TFEC: variants seen among roughly 807,000 people sequenced by gnomAD.
TFEC encodes the protein transcription factor EC, also known as class E basic helix-loop-helix protein 34.
TFEC carries 31 observed loss-of-function variants against 41.6 expected under a neutral mutation model. The ratio of observed to expected loss-of-function variants is 0.74; its 90% CI spans 0.56 to 1.01. The LOEUF (loss-of-function observed/expected upper bound fraction) is 1.01, where lower values mean the gene tolerates loss of function less well. Ranked by LOEUF, TFEC falls within the 50% of genes least tolerant of loss-of-function variation. The pLI is 0.00. For synonymous variants in TFEC, 143 were observed against 140.6 expected (o/e 1.02, Z -0.12); for missense variants, 402 against 404.1 (o/e 0.99, Z 0.04).
chr7:115,945,614 T>A (rs1434275192), intron 6 of TFEC, among the ~76,000 whole-genome samples: 3 of 151,822 alleles, frequency 2.0e-5, no homozygotes, highest in African/African-American at 7.2e-5. Context: ...ATAGACATAT[T>A]CAACATCTAA....
At chr7:116,080,488 A>C (rs745689868) in intron 3 of TFEC, among the ~76,000 whole-genome samples, 21 of 152,012 alleles carry the variant, frequency 1.4e-4, no homozygotes, top group Non-Finnish European at 2.2e-4. Context: ...AAAAAACAAA[A>C]AACAACAACA....
intron 3 of TFEC, chr7:116,110,648 T>G (rs1797832801): frequency 8.9e-7 from 1 of 1,128,044 alleles, no homozygotes; most frequent in African/African-American, 1.6e-5. Flanking sequence ...AGACAGATTT[T>G]CAGAGGTAGT....
chr7:116,071,822 T>C (rs1315129425), intron 3 of TFEC, among the ~76,000 whole-genome samples: 1 of 151,440 alleles, frequency 6.6e-6, no homozygotes, highest in Non-Finnish European at 1.5e-5. Context: ...TTCTCATGTT[T>C]AAATATCATA....
intron 3 of TFEC, among the ~76,000 whole-genome samples, chr7:115,969,412 G>A (rs1395610469): frequency 6.6e-6 from 1 of 151,876 alleles, no homozygotes; most frequent in Non-Finnish European, 1.5e-5. Context: ...AATTGTGAAA[G>A]GCCCCTTTGA....
chr7:116,148,097 CTTAG>C (rs1798681107), intron 1 of TFEC, among the ~76,000 whole-genome samples: 1 of 152,124 alleles, frequency 6.6e-6, no homozygotes, highest in East Asian at 1.9e-4. Context: ...AAGACTTCAA[CTTAG>C]TTAGGGGTTT....
intron 1 of TFEC, among the ~76,000 whole-genome samples, chr7:116,018,604 G>A (rs1795281093): frequency 6.6e-6 from 1 of 152,180 alleles, no homozygotes; most frequent in African/African-American, 2.4e-5. Context: ...AAATAGAGCT[G>A]AGGCTCATAA....
chr7:116,126,366 T>G (rs1237776046), intron 1 of TFEC, among the ~76,000 whole-genome samples: 1 of 152,044 alleles, frequency 6.6e-6, no homozygotes, highest in African/African-American at 2.4e-5. Flanking sequence ...AGGGAAAAAG[T>G]AAGATAGAGG....
At chr7:116,158,684 A>G (rs1166293386) in intron 1 of TFEC, among the ~76,000 whole-genome samples, 1 of 152,144 alleles carries the variant, frequency 6.6e-6, no homozygotes, top group Non-Finnish European at 1.5e-5. Flanking sequence ...CTTAAAGTAC[A>G]TAATAATGGA....
intron 2 of TFEC, among the ~76,000 whole-genome samples, chr7:115,975,459 C>T (rs1289944624): frequency 6.6e-6 from 1 of 152,032 alleles, no homozygotes; most frequent in Non-Finnish European, 1.5e-5. Context: ...TATCTAGGAA[C>T]TTAAGAGAAT....
chr7:115,962,770 G>A (rs923726750), intron 3 of TFEC, among the ~76,000 whole-genome samples: 1 of 151,858 alleles, frequency 6.6e-6, no homozygotes, highest in Non-Finnish European at 1.5e-5. Flanking sequence ...GGCCGATCAT[G>A]TATTTCTTAA....
intron 1 of TFEC, among the ~76,000 whole-genome samples, chr7:116,152,190 C>T (rs1473380865): frequency 2.0e-5 from 3 of 152,118 alleles, no homozygotes; most frequent in African/African-American, 7.2e-5. Context: ...CATATTTACC[C>T]TCATACCTTA....
chr7:115,984,565 AGAG>A, intron 1 of TFEC, 52 bp from the exon 2 acceptor site: 1 of 1,575,510 alleles, frequency 6.3e-7, no homozygotes. Flanking sequence ...CTGTGAAATT[AGAG>A]TTCTCCTTTC....
chr7:116,049,943 C>T (rs1796267294), intron 3 of TFEC, among the ~76,000 whole-genome samples: 2 of 152,122 alleles, frequency 1.3e-5, no homozygotes, highest in Admixed American at 1.3e-4. Flanking sequence ...AGAATGAAGA[C>T]ACAACATACC....
intron 1 of TFEC, among the ~76,000 whole-genome samples, chr7:116,140,692 A>G (rs1342527746): frequency 1.3e-5 from 2 of 152,216 alleles, no homozygotes; most frequent in Non-Finnish European, 2.9e-5. Flanking sequence ...TAGAGGCTAA[A>G]TGAGAAGTCA....
At chr7:116,002,910 A>G (rs1055597889) in intron 1 of TFEC, among the ~76,000 whole-genome samples, 4 of 152,188 alleles carry the variant, frequency 2.6e-5, no homozygotes, top group South Asian at 2.1e-4. Context: ...AAAGTATAGT[A>G]TAACTGATAT....
chr7:115,963,204 C>T (rs1477148658), intron 3 of TFEC, among the ~76,000 whole-genome samples: 1 of 151,742 alleles, frequency 6.6e-6, no homozygotes, highest in Non-Finnish European at 1.5e-5. Flanking sequence ...AAGATATATA[C>T]AAATGGCCAA....
intron 1 of TFEC, chr7:116,157,291 C>T (rs1422988044): frequency 6.6e-6 from 1 of 151,750 alleles, no homozygotes; most frequent in Admixed American, 6.6e-5. Flanking sequence ...CTTTGTCTTC[C>T]TTTGACTCAC....
At chr7:116,014,889 C>T (rs924369491) in intron 1 of TFEC, among the ~76,000 whole-genome samples, 8 of 151,996 alleles carry the variant, frequency 5.3e-5, no homozygotes, top group South Asian at 2.1e-4. Context: ...TGCTGGAAAA[C>T]GCAGGCAAGC....
At chr7:116,071,839 C>T (rs1469163015) in intron 3 of TFEC, among the ~76,000 whole-genome samples, 1 of 151,436 alleles carries the variant, frequency 6.6e-6, no homozygotes, top group Non-Finnish European at 1.5e-5. Context: ...CATATCAAAA[C>T]TGAAACCTAT....
Sources: gnomAD v4.1 joint callset for allele counts (sites outside exome capture counted in the v4.1 genomes callset) on GRCh38, gnomAD v4.1.1 for gene constraint, MANE v1.5 for transcripts, NCBI Gene and HGNC (gene_info 2026-07-23, HGNC 2026-07-21) for gene names.